Variants in PRKN observed in about 807,000 individuals in gnomAD.
PRKN encodes the protein parkin RBR E3 ubiquitin protein ligase, also known as E3 ubiquitin-protein ligase parkin.
Under a neutral mutation model 59.5 loss-of-function variants are expected in PRKN, and 56 were observed. The ratio of observed to expected loss-of-function variants is 0.94; its 90% CI spans 0.76 to 1.18. The LOEUF is 1.18. Ranked by LOEUF, PRKN falls within the 50% of genes most tolerant of loss-of-function variation. The probability of loss-of-function intolerance (pLI) is 0.00; values close to 1 mark genes in which losing one functional copy is unlikely to be tolerated. For missense variants in PRKN, 657 were observed against 596.4 expected, an observed-to-expected ratio of 1.10 and a Z score of -1.06; for synonymous variants, 250 against 222.1, an observed-to-expected ratio of 1.13 and a Z score of -1.12.
intron 5 of PRKN, among the ~76,000 whole-genome samples, chr6:161,985,426 G>A (rs1781400372): frequency 6.6e-6 from 1 of 152,030 alleles, no homozygotes; most frequent in Non-Finnish European, 1.5e-5. Flanking sequence ...CCGAGTGTTC[G>A]ACTCCATGAT....
At chr6:162,144,485 G>T (rs1781923497) in intron 4 of PRKN, among the ~76,000 whole-genome samples, 1 of 152,146 alleles carries the variant, frequency 6.6e-6, no homozygotes, top group Non-Finnish European at 1.5e-5. Context: ...GAGGTGGAAG[G>T]ATGCTGTCAG....
rs1236409864 is a variant in PRKN, at chr6:161,466,164, C to T, written c.1084-79287G>A. 6.6e-6 allele frequency among the ~76,000 whole-genome samples: 1 copy of T among 152,110 alleles called. No homozygotes were observed. Among genetic ancestry groups the T allele is most frequent in the Non-Finnish European group, 1.5e-5 (1 of 68,038 alleles). On this transcript the variant is annotated intron_variant, in intron 9 of 11. Transcript: ENST00000366898. This position sits in a 1 kb window ranked among gnomAD's most constrained non-coding sequence, Gnocchi z 5.0. The stretch of plus-strand genomic sequence containing the variant: ...AACATTATTAACTCTAGTCACCATG[C>T]TGTACATTAGATCCCCCTGTGTTTC...
chr6:161,365,701 C>T (rs558778155), intron 10 of PRKN, among the ~76,000 whole-genome samples: 3 of 152,324 alleles, frequency 2.0e-5, no homozygotes, highest in East Asian at 3.9e-4. Flanking sequence ...GTATAACTTG[C>T]AGGCCCACCA....
intron 4 of PRKN, among the ~76,000 whole-genome samples, chr6:162,126,292 G>A (rs886213716): frequency 1.3e-5 from 2 of 152,156 alleles, no homozygotes; most frequent in African/African-American, 4.8e-5. Flanking sequence ...GGCTTAGCCA[G>A]TGGTACCTGG....
intron 6 of PRKN, among the ~76,000 whole-genome samples, chr6:161,876,963 T>G (rs925439419): frequency 2.0e-5 from 3 of 152,172 alleles, no homozygotes; most frequent in East Asian, 1.9e-4. Context: ...TTTTCAGAAG[T>G]ATTCATACTT....
intron 1 of PRKN, among the ~76,000 whole-genome samples, chr6:162,579,451 G>T (rs1228331699): frequency 1.3e-5 from 2 of 150,870 alleles, no homozygotes; most frequent in African/African-American, 4.9e-5. Flanking sequence ...CACAGAAATT[G>T]ACACACCCAC....
chr6:161,657,342 T>C (rs61400089), intron 7 of PRKN, among the ~76,000 whole-genome samples: 3,398 of 152,230 alleles, frequency 0.022, 120 homozygotes, highest in African/African-American at 0.078. Flanking sequence ...CATAATTAGT[T>C]TTTTAAAGGC....
chr6:161,653,333 C>T (rs940575230), intron 7 of PRKN, among the ~76,000 whole-genome samples: 1 of 152,160 alleles, frequency 6.6e-6, no homozygotes, highest in African/African-American at 2.4e-5. Flanking sequence ...CACTGCACTC[C>T]AGCCTGGCAA....
In PRKN at chr6:161,413,247, G is replaced by A. The variant is rs944030960; in HGVS notation, c.1084-26370C>T. Among the ~76,000 whole-genome samples, 2 of 152,106 alleles carry A rather than the reference G, an allele frequency of 1.3e-5. No individual in the cohort carries two copies. Among genetic ancestry groups the A allele is most frequent in the Non-Finnish European group, 2.9e-5 (2 of 68,020 alleles). The stretch of plus-strand genomic sequence containing the variant: ...TCCCGGACACTGGCCTCCAGGGCAC[G>A]GTCTGGAGGGTCTGTAAGACTCCCC... On this transcript the variant is annotated intron_variant, in intron 9 of 11. Coordinates refer to ENST00000366898, the MANE Select transcript of PRKN (RefSeq NM_004562.3). This position sits in a 1 kb window ranked among gnomAD's most constrained non-coding sequence, Gnocchi z 4.4.
At chr6:161,875,851 G>A (rs2128228356) in intron 6 of PRKN, among the ~76,000 whole-genome samples, 1 of 152,176 alleles carries the variant, frequency 6.6e-6, no homozygotes, top group Non-Finnish European at 1.5e-5. Flanking sequence ...CCCCTCACTG[G>A]CATCCCACTC....
At chr6:162,357,668 C>G (rs1206197844) in intron 2 of PRKN, among the ~76,000 whole-genome samples, 2 of 152,150 alleles carry the variant, frequency 1.3e-5, no homozygotes, top group Non-Finnish European at 2.9e-5. Context: ...ACAAGATGTC[C>G]ATTAATGCAT....
In PRKN at chr6:161,582,161, AAAGT is replaced by A. The variant is rs1254945491; in HGVS notation, c.872-12749_872-12746del. 6.6e-6 allele frequency among the ~76,000 whole-genome samples: 1 copy of A among 152,172 alleles called. No homozygotes were observed. Among genetic ancestry groups the A allele is most frequent in the Non-Finnish European group, 1.5e-5 (1 of 68,036 alleles). On this transcript the variant is annotated intron_variant, in intron 7 of 11. Transcript: ENST00000366898. The surrounding 1 kb of genome is among the most constrained non-coding windows in gnomAD (Gnocchi z 4.4). ...TTCTAAATGGCTCTCTGGCTCACAGAAAGTAACAGTTTTAAAGGAGATATTTTAA... is the reference window on the plus strand; with the variant it reads ...TTCTAAATGGCTCTCTGGCTCACAGAAACAGTTTTAAAGGAGATATTTTAA...
At chr6:162,628,926 CTG>C (rs909369176) in intron 1 of PRKN, among the ~76,000 whole-genome samples, 1 of 152,076 alleles carries the variant, frequency 6.6e-6, no homozygotes, top group African/African-American at 2.4e-5. Flanking sequence ...TATAAGGAAA[CTG>C]TACTAAAATA....
intron 2 of PRKN, among the ~76,000 whole-genome samples, chr6:162,434,386 T>C (rs1247662074): frequency 6.6e-6 from 1 of 152,182 alleles, no homozygotes; most frequent in African/African-American, 2.4e-5. Flanking sequence ...CAGCCCATCC[T>C]TCTGTGCTTT....
chr6:162,165,744 G>A (rs1181084879), intron 4 of PRKN, among the ~76,000 whole-genome samples: 1 of 139,060 alleles, frequency 7.2e-6, no homozygotes, highest in African/African-American at 2.8e-5. Context: ...TTCCACTGCA[G>A]GACATTTACT....
At chr6:161,464,921 G>A (rs955988454) in intron 9 of PRKN, among the ~76,000 whole-genome samples, 8 of 152,128 alleles carry the variant, frequency 5.3e-5, no homozygotes, top group African/African-American at 1.9e-4. Context: ...TAGCCAGTTC[G>A]ACCCACAAAA....
chr6:161,856,361 A>AAAATAAAGAAATAAATAAATAAAT (rs76955526), intron 6 of PRKN, among the ~76,000 whole-genome samples: 225 of 149,466 alleles, frequency 1.5e-3, no homozygotes, highest in Middle Eastern at 3.4e-3. Context: ...ATGCCATCTC[A>AAAATAAAGAAATAAATAAATAAAT]AAATAAATAA....
At chr6:161,879,044 G>A (rs1046416868) in intron 6 of PRKN, among the ~76,000 whole-genome samples, 7 of 152,014 alleles carry the variant, frequency 4.6e-5, no homozygotes, top group Non-Finnish European at 8.8e-5. Context: ...TTAAAGTGCC[G>A]ATTCCTACCC....
At chr6:161,700,870 C>A (rs1045789940) in intron 7 of PRKN, among the ~76,000 whole-genome samples, 2 of 152,112 alleles carry the variant, frequency 1.3e-5, no homozygotes, top group African/African-American at 4.8e-5. Flanking sequence ...CAATTTGGGA[C>A]CCCCAAAAGG....
Sources: allele counts gnomAD v4.1 joint callset (sites outside exome capture counted in the v4.1 genomes callset), GRCh38; gene constraint gnomAD v4.1.1; non-coding constraint Gnocchi (gnomAD v3.1); transcripts MANE v1.5; gene names NCBI Gene and HGNC (gene_info 2026-07-23, HGNC 2026-07-21).